Variants in AGAP1 observed in about 807,000 individuals in gnomAD.
AGAP1 encodes the protein arf-GAP with GTPase, ANK repeat and PH domain-containing protein 1.
AGAP1 carries 29 observed loss-of-function variants against 105.3 expected under a neutral mutation model. That is an observed-to-expected ratio of 0.28 (90% confidence interval 0.21 to 0.38). The LOEUF (loss-of-function observed/expected upper bound fraction) is 0.38. Ranked by LOEUF, AGAP1 falls within the 10% of genes least tolerant of loss-of-function variation. AGAP1 has a pLI of 1.00. For missense variants in AGAP1, 998 were observed against 1,165.1 expected (o/e 0.86, Z 2.09); for synonymous variants, 509 against 485.9 (o/e 1.05, Z -0.63).
intron 1 of AGAP1, among the ~76,000 whole-genome samples, chr2:235,652,482 C>A (rs1006035476): frequency 9.2e-5 from 14 of 152,184 alleles, no homozygotes; most frequent in African/African-American, 3.4e-4. Context: ...AAGAGAGCAG[C>A]CTCTATCTGT....
At chr2:235,706,361 A>T (rs1950534153) in intron 1 of AGAP1, among the ~76,000 whole-genome samples, 1 of 151,992 alleles carries the variant, frequency 6.6e-6, no homozygotes, top group South Asian at 2.1e-4. Flanking sequence ...AGTAACTGGG[A>T]CTACAGGCGC....
chr2:235,573,037 TTCTTCTTCTTCTTCTTC>T (rs1240106945), intron 1 of AGAP1, among the ~76,000 whole-genome samples: 14,579 of 45,606 alleles, frequency 0.32, 2,331 homozygotes, highest in South Asian at 0.5. Flanking sequence ...CTTCTTCTTC[TTCTTCTTCTTCTTCTTC>T]TTCTTCTTTC....
At chr2:235,987,700 A>G (rs1456868513) in intron 13 of AGAP1, among the ~76,000 whole-genome samples, 1 of 152,060 alleles carries the variant, frequency 6.6e-6, no homozygotes, top group Non-Finnish European at 1.5e-5. Flanking sequence ...GATTCTGGTA[A>G]GTTATCTCTT....
chr2:236,086,451 T>C (rs139426586), intron 16 of AGAP1, among the ~76,000 whole-genome samples: 1 of 152,360 alleles, frequency 6.6e-6, no homozygotes, highest in Non-Finnish European at 1.5e-5. Flanking sequence ...TTATTTTATG[T>C]AATTTTAAAT....
intron 9 of AGAP1, among the ~76,000 whole-genome samples, chr2:235,873,526 A>G (rs554051932): frequency 6.6e-6 from 1 of 152,232 alleles, no homozygotes; most frequent in Non-Finnish European, 1.5e-5. Flanking sequence ...TTACATGTAT[A>G]AATGCAGACA....
chr2:236,111,813 G>A (rs573371411), intron 16 of AGAP1, among the ~76,000 whole-genome samples: 1 of 150,758 alleles, frequency 6.6e-6, no homozygotes, highest in Non-Finnish European at 1.5e-5. Context: ...AAAAAGAAAG[G>A]GTCCATCCCG....
Position 235,864,460 on chromosome 2 carries a change from T to C in AGAP1, c.1051-18885T>C, listed in dbSNP as rs2049064562. Among the ~76,000 whole-genome samples, 1 of 152,086 alleles carries C rather than the reference T, an allele frequency of 6.6e-6. No individual in the cohort carries two copies. Among genetic ancestry groups the C allele is most frequent in the African/African-American group, 2.4e-5 (1 of 41,390 alleles). ...TTTGCGGTTCTGGCCTCCAGGGCGG[T>C]CTGGGTGGGAGGAGGAGGTGGGCGG... On this transcript the variant is annotated intron_variant, in intron 9 of 17. Transcript: ENST00000304032. This position sits in a 1 kb window ranked among gnomAD's most constrained non-coding sequence, Gnocchi z 5.0.
rs374021595 is a variant in AGAP1, at chr2:235,709,206, C to G, written c.191C>G (p.Thr64Arg). 3.1e-6 allele frequency: 5 copies of G among 1,614,110 alleles called. No homozygotes were observed. Among genetic ancestry groups the G allele is most frequent in the Non-Finnish European group, 4.2e-6 (5 of 1,180,030 alleles). ...EDAFVNSQEW[T>R]LSRSVPELKV... The stretch of plus-strand genomic sequence containing the variant: ...GCCTTCGTGAACAGCCAGGAATGGA[C>G]GCTGAGTCGATCTGTCCCGGAGCTC... The change falls in exon 2 of 18, where the codon ACG (threonine) becomes AGG (arginine). Residue 64 changes from threonine to arginine, a missense_variant. Thr to Arg is a moderately conservative substitution (Grantham distance 71, BLOSUM62 -1). This residue lies in a region of AGAP1 where 735 missense variants were observed against 833.4 expected (regional missense o/e 0.88). Coordinates refer to ENST00000304032, the MANE Select transcript of AGAP1 (RefSeq NM_001037131.3).
intron 13 of AGAP1, among the ~76,000 whole-genome samples, chr2:236,010,265 C>T (rs377167262): frequency 5.9e-5 from 9 of 152,158 alleles, no homozygotes; most frequent in East Asian, 1.9e-4. Context: ...GAGCTGTTAA[C>T]GCTAAATGAT....
chr2:235,869,519 T>TGAACCCC (rs1194352593), intron 9 of AGAP1, among the ~76,000 whole-genome samples: 15 of 150,796 alleles, frequency 9.9e-5, no homozygotes, highest in African/African-American at 3.4e-4. Flanking sequence ...GAGAATCACT[T>TGAACCCC]GAACCCAGGA....
At chr2:236,072,735 C>T (rs1018806850) in intron 16 of AGAP1, among the ~76,000 whole-genome samples, 2 of 152,178 alleles carry the variant, frequency 1.3e-5, no homozygotes, top group African/African-American at 4.8e-5. Flanking sequence ...GCTAGGATTA[C>T]AGGAGTGAGG....
chr2:235,767,802 T>G (rs1955093893), intron 6 of AGAP1, among the ~76,000 whole-genome samples: 2 of 109,806 alleles, frequency 1.8e-5, no homozygotes, highest in Admixed American at 2.1e-4. Flanking sequence ...TTTTTTTTTT[T>G]GAGACACAGT....
chr2:235,999,888 A>G (rs2056038660), intron 13 of AGAP1, among the ~76,000 whole-genome samples: 1 of 152,088 alleles, frequency 6.6e-6, no homozygotes, highest in South Asian at 2.1e-4. Flanking sequence ...CTTGTAAGTC[A>G]CGATTTGTGG....
At chr2:235,890,231 G>C (rs982324988) in intron 10 of AGAP1, among the ~76,000 whole-genome samples, 2 of 147,228 alleles carry the variant, frequency 1.4e-5, no homozygotes, top group African/African-American at 5.0e-5. Context: ...CACGATCTCA[G>C]CTCACTGCAA....
At chr2:235,713,475 C>T (rs1018344473) in intron 2 of AGAP1, among the ~76,000 whole-genome samples, 1 of 152,234 alleles carries the variant, frequency 6.6e-6, no homozygotes, top group Non-Finnish European at 1.5e-5. Flanking sequence ...TTCTTTTACT[C>T]GGCCCGTGCT....
At position 235,577,324 on chromosome 2, in the gene AGAP1, C is replaced by T. The variant is rs539198122; in HGVS notation, c.163+82475C>T. ...GTGGTGCTGTGTAATGTTCATTCAT[C>T]GCACATTTCAATTCGGCCACATTTT... On this transcript the variant is annotated intron_variant, in intron 1 of 17. Transcript: ENST00000304032. This position sits in a 1 kb window ranked among gnomAD's most constrained non-coding sequence, Gnocchi z 4.5. Among the ~76,000 whole-genome samples the T allele has an allele frequency of 2.0e-5, 3 of 152,262 alleles. No homozygotes were observed. Among genetic ancestry groups the T allele is most frequent in the South Asian group, 2.1e-4 (1 of 4,826 alleles).
chr2:235,503,972 G>C (rs920510984), intron 1 of AGAP1, among the ~76,000 whole-genome samples: 3 of 152,160 alleles, frequency 2.0e-5, no homozygotes, highest in African/African-American at 7.2e-5. Context: ...CTGAAGCCTT[G>C]CTTTCCTGAA....
At chr2:235,794,551 G>A (rs373685104) in intron 6 of AGAP1, among the ~76,000 whole-genome samples, 20 of 152,160 alleles carry the variant, frequency 1.3e-4, no homozygotes, top group East Asian at 1.9e-4. Context: ...GGCTCACTGC[G>A]ACCTCTGCCT....
At chr2:235,595,323 G>A (rs928121483) in intron 1 of AGAP1, among the ~76,000 whole-genome samples, 15 of 152,258 alleles carry the variant, frequency 9.9e-5, no homozygotes, top group Middle Eastern at 6.8e-3. Flanking sequence ...GCACACCCTC[G>A]AGGGGCCGGA....
Sources: allele counts gnomAD v4.1 joint callset (sites outside exome capture counted in the v4.1 genomes callset), GRCh38; gene constraint gnomAD v4.1.1; regional missense constraint gnomAD v4.1.1; non-coding constraint Gnocchi (gnomAD v3.1); transcripts MANE v1.5; gene names NCBI Gene and HGNC (gene_info 2026-07-23, HGNC 2026-07-21).